The following UNC93B1 variants were observed in gnomAD, a reference collection of about 807,000 sequenced individuals.
UNC93B1 encodes the protein unc-93B1 regulator of TLR signaling, also known as protein unc-93 homolog B1.
A neutral mutation model predicts 56.8 loss-of-function variants in UNC93B1; 33 were observed. The ratio of observed to expected loss-of-function variants is 0.58; its 90% CI spans 0.44 to 0.78. UNC93B1 has a LOEUF of 0.78. Ranked by LOEUF, UNC93B1 falls within the 30% of genes least tolerant of loss-of-function variation. The pLI is 0.00. For missense variants in UNC93B1, 673 were observed against 819.5 expected, an observed-to-expected ratio of 0.82 and a Z score of 2.18; for synonymous variants, 334 against 358.6, an observed-to-expected ratio of 0.93 and a Z score of 0.77.
Position 68,003,521 on chromosome 11 carries a change from C to G in UNC93B1, c.238+136G>C. The G allele has an allele frequency of 7.8e-7, 1 of 1,286,738 alleles. No individual in the cohort carries two copies. Among genetic ancestry groups the G allele is most frequent in the Non-Finnish European group, 1.0e-6 (1 of 989,274 alleles). The allele number at this position is 1,286,738 out of a possible 1,614,324, so 79.7% of individuals were successfully genotyped here. A position where few individuals can be genotyped will look rare whatever the true frequency, so the allele number is the denominator to read the frequency against. On this transcript the variant is annotated intron_variant, in intron 2 of 10. Coordinates refer to ENST00000227471, the MANE Select transcript of UNC93B1 (RefSeq NM_030930.4). The surrounding 1 kb of genome is among the most constrained non-coding windows in gnomAD (Gnocchi z 4.4). The stretch of plus-strand genomic sequence containing the variant: ...TGACCCCCCAACCCCACCCCCGCCG[C>G]GGGGGGCCGTGGCTGCAGCTGCGAG...
rs754871549 is a variant in UNC93B1 at position 67,991,598 on chromosome 11, C to G, written c.1742G>C (p.Arg581Pro). ...PGPEPAGLGR[R>P]PCPYEQAQGG... ...CTGCGCCTGTTCGTACGGGCAGGGC[C>G]GGCGGCCGAGTCCAGCGGGCTCGGG... is the stretch of plus-strand genomic sequence containing the variant. The change falls in exon 11 of 11, where the codon CGG (arginine) becomes CCG (proline). Residue 581 changes from arginine (R) to proline (P), a missense_variant. Physicochemically the swap from Arg to Pro is moderately radical, Grantham distance 103 (BLOSUM62 -2). Transcript: ENST00000227471. 4 of 1,497,200 alleles carry G rather than the reference C, an allele frequency of 2.7e-6. No individual in the cohort carries two copies. The highest frequency in any genetic ancestry group is 3.5e-6 in the Non-Finnish European group (4 of 1,131,338). The allele number at this position is 1,497,200 out of a possible 1,614,324, so 92.7% of individuals were successfully genotyped here.
chr11:68,003,455 A>T lies in UNC93B1; in HGVS notation c.238+202T>A. ...GAGCCCGGACCCCCGTCCCCCACCC[A>T]CACCGAGGCTCTGGCTGGGACCCGG... On this transcript the variant is annotated intron_variant, in intron 2 of 10. Transcript: ENST00000227471. The surrounding 1 kb of genome is among the most constrained non-coding windows in gnomAD (Gnocchi z 4.4). 1.1e-6 allele frequency: 1 copy of T among 880,864 alleles called. No individual in the cohort carries two copies. Among genetic ancestry groups the T allele is most frequent in the Non-Finnish European group, 1.6e-6 (1 of 616,094 alleles). 54.6% of individuals were successfully genotyped at this position (880,864 alleles called of 1,614,324 possible). A position where few individuals can be genotyped will look rare whatever the true frequency, so the allele number is the denominator to read the frequency against.
At chr11:67,997,199 C>G (rs1856962488) in intron 7 of UNC93B1, among the ~76,000 whole-genome samples, 1 of 2,430 alleles carries the variant, frequency 4.1e-4, no homozygotes, top group East Asian at 0.013. Flanking sequence ...CGCGTCCCAG[C>G]ACTAGGCCCC....
chr11:67,996,090 G>A, intron 8 of UNC93B1: 1 of 360,002 alleles, frequency 2.8e-6, no homozygotes, highest in Non-Finnish European at 5.0e-6. Context: ...GGGAAAAGAG[G>A]GGTTGGCTCT....
chr11:67,998,337 C>T (rs188005475), intron 6 of UNC93B1, 22 bp downstream of exon 6: 9 of 1,613,596 alleles, frequency 5.6e-6, no homozygotes, highest in Middle Eastern at 3.3e-4. Context: ...GGACTCCTCC[C>T]CAACCCCCAA....
chr11:68,003,585 G>A lies in UNC93B1; in HGVS notation c.238+72C>T. ...AAGTGAGAGCGGGCGGGAGGCGGCG[G>A]CCCGCGGTTTCTGTTTCCCGGGCCG... On this transcript the variant is annotated intron_variant, in intron 2 of 10. Transcript: ENST00000227471. This position sits in a 1 kb window ranked among gnomAD's most constrained non-coding sequence, Gnocchi z 4.4. The A allele has an allele frequency of 6.8e-7, 1 of 1,473,738 alleles. No individual in the cohort carries two copies. The highest frequency in any genetic ancestry group is 1.5e-5 in the African/African-American group (1 of 68,186). The allele number at this position is 1,473,738 out of a possible 1,614,324, so 91.3% of individuals were successfully genotyped here. A position where few individuals can be genotyped will look rare whatever the true frequency, so the allele number is the denominator to read the frequency against.
rs1253053688 is a variant in UNC93B1 at position 67,996,617 on chromosome 11, G to A, written c.1074C>T (p.Cys358=). 1 of 1,549,752 alleles carries A rather than the reference G, an allele frequency of 6.5e-7. No homozygotes were observed. The highest frequency in any genetic ancestry group is 8.7e-7 in the Non-Finnish European group (1 of 1,145,426). ...CTGTACTTACCAAGGCGATACCAGT[G>A]CAGGCAAAGAGCACCTCGAAGCCGC... The part of the protein sequence containing the change: ...IYSGFEVLFA[C]TGIALGYGVC... The change falls in exon 8 of 11, where the codon TGC becomes TGT. Residue 358 remains cysteine, a synonymous_variant. Transcript: ENST00000227471.
chr11:67,993,714 T>C lies in UNC93B1; in HGVS notation c.1444A>G (p.Ile482Val). The change falls in exon 10 of 11, where the codon ATC becomes GTC. Residue 482 changes from isoleucine to valine, a missense_variant. By Grantham distance (29) the Ile-to-Val change is conservative. This residue lies in a region of UNC93B1 where 155 missense variants were observed against 268.3 expected (regional missense o/e 0.58). Transcript: ENST00000227471. ...TIYHWWQAVA[I>V]FTVYLGSSLH... ...CTCGAGCCCAGGTACACGGTGAAGA[T>C]GGCCACAGCCTGCCACCAGTGGTAG... 7.8e-7 allele frequency: 1 copy of C among 1,287,518 alleles called. No individual in the cohort carries two copies. Among genetic ancestry groups the C allele is most frequent in the Non-Finnish European group, 1.1e-6 (1 of 919,940 alleles). 79.8% of individuals were successfully genotyped at this position (1,287,518 alleles called of 1,614,324 possible). A position where few individuals can be genotyped will look rare whatever the true frequency, so the allele number is the denominator to read the frequency against.
In UNC93B1 at chr11:67,997,837, G is replaced by A. The variant is rs113443942; in HGVS notation, c.782-38C>T. ...GGGGTGAGGGCACCGTGAGCAGAGA[G>A]TAGGGCACACAGTCAATCCAGCCAC... On this transcript the variant is annotated intron_variant, in intron 6 of 10. Transcript: ENST00000227471. The A allele has an allele frequency of 1.5e-3, 2,429 of 1,593,674 alleles. 30 individuals are homozygous for A. The African/African-American group carries it at 0.027, about 18-fold the overall frequency.
chr11:67,992,943 G>C (rs1158422803), intron 10 of UNC93B1, among the ~76,000 whole-genome samples: 1 of 152,048 alleles, frequency 6.6e-6, no homozygotes, highest in African/African-American at 2.4e-5. Context: ...GATTACAGGC[G>C]TGAGCCACTA....
In UNC93B1 at chr11:68,003,697, A is replaced by G. The variant is rs954792909; in HGVS notation, c.198T>C (p.Ala66=). The change falls in exon 2 of 11, where the codon GCT becomes GCC. Residue 66 remains alanine, a synonymous_variant. Coordinates refer to ENST00000227471, the MANE Select transcript of UNC93B1 (RefSeq NM_030930.4). This position sits in a 1 kb window ranked among gnomAD's most constrained non-coding sequence, Gnocchi z 4.4. ...AGGTGAGCATGCCCCCGGCGCTGGC[A>G]GCCAGCACGTTCTTGAGCACGCCCA... is the stretch of plus-strand genomic sequence containing the variant. The part of the protein sequence containing the change: ...KRLGVLKNVL[A]ASAGGMLTYG... 1.9e-5 allele frequency: 29 copies of G among 1,530,026 alleles called. No homozygotes were observed. In the Admixed American group the frequency reaches 5.7e-4, roughly 30 times the overall value. 94.8% of individuals were successfully genotyped at this position (1,530,026 alleles called of 1,614,324 possible).
chr11:68,001,080 C>T (rs931061468), intron 3 of UNC93B1, among the ~76,000 whole-genome samples: 1 of 152,152 alleles, frequency 6.6e-6, no homozygotes, highest in Non-Finnish European at 1.5e-5. Context: ...CCTGTAATCC[C>T]AGCTACTCAG....
At chr11:67,997,841 G>A (rs1212718135) in intron 6 of UNC93B1, 42 bp from the exon 7 acceptor site, 1 of 1,591,468 alleles carries the variant, frequency 6.3e-7, no homozygotes, top group African/African-American at 1.3e-5. Context: ...CAGAGAGTAG[G>A]GCACACAGTC....
rs1181828032 is a variant in UNC93B1, at chr11:68,003,369, C to T, written c.239-194G>A. On this transcript the variant is annotated intron_variant, in intron 2 of 10. Transcript: ENST00000227471. This position sits in a 1 kb window ranked among gnomAD's most constrained non-coding sequence, Gnocchi z 4.4. Reference sequence around the variant, plus strand: ...CCCGCGGCCACTTGGCCAGCTAAGCCCAGACCCCCACCCGCCTTGCTCCGC... The same window carrying T: ...CCCGCGGCCACTTGGCCAGCTAAGCTCAGACCCCCACCCGCCTTGCTCCGC... 2.3e-6 allele frequency: 2 copies of T among 867,992 alleles called. No individual in the cohort carries two copies. Among genetic ancestry groups the T allele is most frequent in the African/African-American group, 1.8e-5 (1 of 56,984 alleles). The allele number at this position is 867,992 out of a possible 1,614,324, so 53.8% of individuals were successfully genotyped here.
Position 68,003,663 on chromosome 11 carries a change from A to T in UNC93B1, c.232T>A (p.Tyr78Asn). The change falls in exon 2 of 11, where the codon TAC becomes AAC. Residue 78 changes from tyrosine to asparagine, a missense_variant. Physicochemically the swap from Tyr to Asn is moderately radical, Grantham distance 143 (BLOSUM62 -2). Coordinates refer to ENST00000227471, the MANE Select transcript of UNC93B1 (RefSeq NM_030930.4). This position sits in a 1 kb window ranked among gnomAD's most constrained non-coding sequence, Gnocchi z 4.4. Reference sequence around the variant, plus strand: ...GTCCCCGAGCGGCACCTACCCAGGTAGACGCCGTAGGTGAGCATGCCCCCG... The same window carrying T: ...GTCCCCGAGCGGCACCTACCCAGGTTGACGCCGTAGGTGAGCATGCCCCCG... The part of the protein sequence containing the change: ...SAGGMLTYGV[Y>N]LGLLQMQLIL... 6.6e-7 allele frequency: 1 copy of T among 1,525,864 alleles called. No homozygotes were observed. Among genetic ancestry groups the T allele is most frequent in the Non-Finnish European group, 8.8e-7 (1 of 1,142,086 alleles). 94.5% of individuals were successfully genotyped at this position (1,525,864 alleles called of 1,614,324 possible). A position where few individuals can be genotyped will look rare whatever the true frequency, so the allele number is the denominator to read the frequency against.
intron 3 of UNC93B1, among the ~76,000 whole-genome samples, chr11:68,000,452 G>A (rs923883199): frequency 6.6e-6 from 1 of 152,122 alleles, no homozygotes; most frequent in Non-Finnish European, 1.5e-5. Flanking sequence ...ATCACCTGAG[G>A]TCAGAAGTTT....
intron 6 of UNC93B1, 40 bp downstream of exon 6, chr11:67,998,319 G>A: frequency 1.2e-6 from 2 of 1,607,544 alleles, no homozygotes; most frequent in Non-Finnish European, 1.7e-6. Flanking sequence ...GAAGTAAGCA[G>A]GCTTTGTGGA....
Position 68,003,612 on chromosome 11 carries a change from G to A in UNC93B1, c.238+45C>T, listed in dbSNP as rs1857082317. On this transcript the variant is annotated intron_variant, in intron 2 of 10. Transcript: ENST00000227471. The surrounding 1 kb of genome is among the most constrained non-coding windows in gnomAD (Gnocchi z 4.4). ...CCGCGGTTTCTGTTTCCCGGGCCGG[G>A]CTGGGAGCGGGCGGGGCGGCCCCGG... 2.0e-6 allele frequency: 3 copies of A among 1,494,148 alleles called. No individual in the cohort carries two copies. Among genetic ancestry groups the A allele is most frequent in the East Asian group, 2.8e-5 (1 of 36,360 alleles). 92.6% of individuals were successfully genotyped at this position (1,494,148 alleles called of 1,614,324 possible).
rs1857004331 is a variant in UNC93B1, at chr11:67,999,270, T to C, written c.590A>G (p.Lys197Arg). The C allele has an allele frequency of 6.2e-7, 1 of 1,613,786 alleles. No individual in the cohort carries two copies. Among genetic ancestry groups the C allele is most frequent in the Non-Finnish European group, 8.5e-7 (1 of 1,179,876 alleles). Residue 197 changes from lysine (K) to arginine (R), a missense_variant, in exon 5 of 11, where the codon AAG (lysine) becomes AGG (arginine). Physicochemically the swap from Lys to Arg is conservative, Grantham distance 26. This residue lies in a region of UNC93B1 where 438 missense variants were observed against 465.9 expected (regional missense o/e 0.94). Coordinates refer to ENST00000227471, the MANE Select transcript of UNC93B1 (RefSeq NM_030930.4). ...CTTCATCCCCTGCCCATCCTGCTCCTTGTAGTGGGAGTACTCATGGTACTT... is the reference window on the plus strand; with the variant it reads ...CTTCATCCCCTGCCCATCCTGCTCCCTGTAGTGGGAGTACTCATGGTACTT... The part of the protein sequence containing the change: ...AQKYHEYSHY[K>R]EQDGQGMKQR...
Sources: gnomAD v4.1 joint callset for allele counts (sites outside exome capture counted in the v4.1 genomes callset) on GRCh38, gnomAD v4.1.1 for gene constraint, gnomAD v4.1.1 regional missense constraint, Gnocchi (gnomAD v3.1) non-coding constraint, MANE v1.5 for transcripts, NCBI Gene and HGNC (gene_info 2026-07-23, HGNC 2026-07-21) for gene names.